The following WWOX variants were observed in gnomAD, a reference collection of about 807,000 sequenced individuals.
WWOX encodes the protein WW domain containing oxidoreductase.
WWOX carries 69 observed loss-of-function variants against 46.2 expected under a neutral mutation model. The observed-to-expected ratio is 1.49, with a 90% CI of 1.23 to 1.82. WWOX has a LOEUF of 1.82. Ranked by LOEUF, WWOX falls within the 40% of genes most tolerant of loss-of-function variation. The pLI, the probability that WWOX is intolerant of heterozygous loss-of-function variation, is 0.00. For missense variants in WWOX, 919 were observed against 542.6 expected, an observed-to-expected ratio of 1.69 and a Z score of -6.89; for synonymous variants, 359 against 202.6, an observed-to-expected ratio of 1.77 and a Z score of -6.56.
intron 8 of WWOX, chr16:78,553,176 T>C (rs550081166): frequency 6.6e-6 from 1 of 152,246 alleles, no homozygotes; most frequent in Non-Finnish European, 1.5e-5. Context: ...TAATGGATGT[T>C]GGGCTTAATA....
intron 5 of WWOX, among the ~76,000 whole-genome samples, chr16:78,249,650 C>G (rs1166628328): frequency 1.3e-5 from 2 of 152,164 alleles, no homozygotes; most frequent in Admixed American, 6.5e-5. Context: ...GTGGGGAGAT[C>G]AGAGCATGGA....
chr16:78,905,440 G>T (rs1463361090), intron 8 of WWOX, among the ~76,000 whole-genome samples: 2 of 152,226 alleles, frequency 1.3e-5, no homozygotes, highest in East Asian at 3.9e-4. Flanking sequence ...GAGTGCAAGT[G>T]GCCCAATCAT....
At chr16:78,559,822 A>G (rs931400208) in intron 8 of WWOX, among the ~76,000 whole-genome samples, 1 of 152,328 alleles carries the variant, frequency 6.6e-6, no homozygotes, top group African/African-American at 2.4e-5. Context: ...ACAGACCTCA[A>G]GTGAACAGGC....
At chr16:79,056,075 C>G (rs2048256235) in intron 8 of WWOX, among the ~76,000 whole-genome samples, 1 of 148,788 alleles carries the variant, frequency 6.7e-6, no homozygotes. Flanking sequence ...CTTAGCACAG[C>G]TCAGCTTGTA....
chr16:78,817,138 C>A (rs1039629468), intron 8 of WWOX, among the ~76,000 whole-genome samples: 1 of 130,768 alleles, frequency 7.6e-6, no homozygotes, highest in South Asian at 2.5e-4. Context: ...AAACATTTTC[C>A]TGTTGCCAGT....
rs1022233746 is a variant in WWOX, at chr16:78,644,742, C to T, written c.1056+211990C>T. On this transcript the variant is annotated intron_variant, in intron 8 of 8. Transcript: ENST00000566780. ...CCTCCCAAAGTGCTGGGATTACAGG[C>T]GTGAGCCACTGTGCCCAGCCAAACC... Among the ~76,000 whole-genome samples the T allele has an allele frequency of 6.6e-5, 10 of 152,292 alleles. No individual in the cohort carries two copies. The South Asian group carries it at 1.2e-3, about 19-fold the overall frequency.
intron 8 of WWOX, among the ~76,000 whole-genome samples, chr16:78,879,340 A>G (rs909098818): frequency 1.3e-5 from 2 of 152,210 alleles, no homozygotes; most frequent in South Asian, 2.1e-4. Flanking sequence ...TGTTGACAAC[A>G]TGATGTCAAA....
At chr16:78,433,552 C>T (rs999920533) in intron 8 of WWOX, among the ~76,000 whole-genome samples, 9 of 152,140 alleles carry the variant, frequency 5.9e-5, no homozygotes, top group Non-Finnish European at 1.3e-4. Context: ...TTAAAATCTA[C>T]TTGACAGAAA....
At chr16:78,134,485 T>C (rs1245643684) in intron 4 of WWOX, among the ~76,000 whole-genome samples, 2 of 152,172 alleles carry the variant, frequency 1.3e-5, no homozygotes, top group East Asian at 3.8e-4. Flanking sequence ...GTATGAAATT[T>C]TTCCTTTTCA....
At chr16:78,427,600 T>C (rs1478908925) in intron 7 of WWOX, among the ~76,000 whole-genome samples, 1 of 151,834 alleles carries the variant, frequency 6.6e-6, no homozygotes, top group East Asian at 1.9e-4. Flanking sequence ...AGCCTAATTA[T>C]TTTAGGCGGG....
chr16:79,119,658 A>G (rs2049587973), intron 8 of WWOX, among the ~76,000 whole-genome samples: 1 of 152,236 alleles, frequency 6.6e-6, no homozygotes. Context: ...AGCCACGAAG[A>G]GAACGGGACT....
rs530625976 is a variant in WWOX, at chr16:78,588,301, G to A, written c.1056+155549G>A. Among the ~76,000 whole-genome samples the A allele has an allele frequency of 6.6e-5, 10 of 152,228 alleles. No homozygotes were observed. In the South Asian group the frequency reaches 1.2e-3, roughly 19 times the overall value. ...GACCAGACTCATAGGTTTTGGGTGC[G>A]GATAATGGATAATCTGGCTATTGCA... On this transcript the variant is annotated intron_variant, in intron 8 of 8. Coordinates refer to ENST00000566780, the MANE Select transcript of WWOX (RefSeq NM_016373.4).
At chr16:79,205,112 C>T (rs780163497) in intron 8 of WWOX, 3 of 152,208 alleles carry the variant, frequency 2.0e-5, no homozygotes, top group African/African-American at 7.2e-5. Context: ...TCTCTCTGAA[C>T]AGAAGCCTGT....
At chr16:78,561,508 C>A (rs532876866) in intron 8 of WWOX, among the ~76,000 whole-genome samples, 1 of 151,952 alleles carries the variant, frequency 6.6e-6, no homozygotes, top group Non-Finnish European at 1.5e-5. Context: ...GACTCAGTAA[C>A]TGGAAGAATG....
At chr16:78,258,501 T>C (rs1181754213) in intron 5 of WWOX, among the ~76,000 whole-genome samples, 1 of 152,070 alleles carries the variant, frequency 6.6e-6, no homozygotes, top group Admixed American at 6.6e-5. Flanking sequence ...GCTAAGTTTA[T>C]GGTGTGTCTG....
intron 8 of WWOX, among the ~76,000 whole-genome samples, chr16:78,540,057 A>C (rs2043854846): frequency 6.8e-6 from 1 of 147,696 alleles, no homozygotes; most frequent in African/African-American, 2.5e-5. Context: ...CAGCCAAATC[A>C]GACACCAATA....
intron 5 of WWOX, among the ~76,000 whole-genome samples, chr16:78,376,833 C>T (rs144983223): frequency 6.6e-6 from 1 of 152,210 alleles, no homozygotes; most frequent in Non-Finnish European, 1.5e-5. Context: ...TTCTCTCCCT[C>T]CCAACAGCTG....
chr16:78,901,097 C>G (rs1264443027), intron 8 of WWOX, among the ~76,000 whole-genome samples: 2 of 152,186 alleles, frequency 1.3e-5, no homozygotes, highest in African/African-American at 4.8e-5. Context: ...TTCCGGTTCT[C>G]CCAGTCATTA....
At chr16:79,155,814 A>G (rs1354481089) in intron 8 of WWOX, among the ~76,000 whole-genome samples, 3 of 152,030 alleles carry the variant, frequency 2.0e-5, no homozygotes, top group African/African-American at 7.2e-5. Context: ...GTCTTATACC[A>G]GTGGTGCCTA....
Sources: gnomAD v4.1 joint callset for allele counts (sites outside exome capture counted in the v4.1 genomes callset) on GRCh38, gnomAD v4.1.1 for gene constraint, MANE v1.5 for transcripts, NCBI Gene and HGNC (gene_info 2026-07-23, HGNC 2026-07-21) for gene names.